The following DMD variants were observed in gnomAD, a reference collection of about 807,000 sequenced individuals.
The protein encoded by DMD is mutant dystrophin.
DMD carries 63 observed loss-of-function variants against 330.1 expected under a neutral mutation model. The observed-to-expected ratio is 0.19, with a 90% CI of 0.16 to 0.24. The LOEUF is 0.24. DMD is among the 10% of genes least tolerant of loss of function. The pLI is 1.00. For missense variants in DMD, 3,344 were observed against 2,684.1 expected, an observed-to-expected ratio of 1.25 and a Z score of -5.43; for synonymous variants, 1,223 against 959.8, an observed-to-expected ratio of 1.27 and a Z score of -5.07.
chrX:31,706,051 G>C (rs1034146426), intron 52 of DMD, among the ~76,000 whole-genome samples: 2 of 110,528 alleles, frequency 1.8e-5, no homozygotes, highest in African/African-American at 6.6e-5. Context: ...CTCTTGGGTG[G>C]TCACTGATAC....
rs1164043838 is a variant in DMD, at chrX:32,823,106, C to T, written c.357+189G>A. ...TTTGAAAAATATTCCTGTAAATGTA[C>T]CAGAACCTATTTTATACCGTGATGA... On this transcript the variant is annotated intron_variant, in intron 5 of 78. Transcript: ENST00000357033. 3.6e-5 allele frequency among the ~76,000 whole-genome samples: 4 copies of T among 111,520 alleles called. No individual in the cohort carries two copies. The Admixed American group carries it at 3.8e-4, about 11-fold the overall frequency.
chrX:32,699,079 T>A, intron 8 of DMD, 33 bp downstream of exon 8: 2 of 1,168,990 alleles, frequency 1.7e-6, no homozygotes, highest in East Asian at 3.0e-5. Context: ...ACAGAAAACA[T>A]CTTGAATAGT....
chrX:32,411,012 TTG>T (rs1373187260), intron 30 of DMD, among the ~76,000 whole-genome samples: 3 of 112,267 alleles, frequency 2.7e-5, no homozygotes, highest in South Asian at 3.7e-4. Context: ...ATCGATAATT[TTG>T]TGTTACTCAC....
intron 44 of DMD, among the ~76,000 whole-genome samples, chrX:31,977,218 G>C (rs1300551068): frequency 8.9e-6 from 1 of 112,041 alleles, no homozygotes; most frequent in African/African-American, 3.2e-5. Context: ...TTGATAAATT[G>C]AGCAGAAAAC....
At chrX:32,127,870 C>A (rs182645627) in intron 44 of DMD, among the ~76,000 whole-genome samples, 6 of 112,045 alleles carry the variant, frequency 5.4e-5, no homozygotes, top group Admixed American at 4.7e-4. Flanking sequence ...TTTATTTGAA[C>A]CTTCAATTAT....
chrX:32,459,573 C>A (rs2098375697), intron 25 of DMD, among the ~76,000 whole-genome samples: 1 of 111,331 alleles, frequency 9.0e-6, no homozygotes, highest in South Asian at 3.7e-4. Context: ...ATAAATATGG[C>A]TAAGATGGAA....
At chrX:32,559,770 T>C (rs2050778883) in intron 16 of DMD, among the ~76,000 whole-genome samples, 1 of 112,326 alleles carries the variant, frequency 8.9e-6, no homozygotes, top group African/African-American at 3.2e-5. Flanking sequence ...CATTTACAGC[T>C]ATGTTTTATA....
At chrX:32,349,844 A>G (rs747192783) in intron 37 of DMD, among the ~76,000 whole-genome samples, 2 of 111,767 alleles carry the variant, frequency 1.8e-5, no homozygotes, top group African/African-American at 3.2e-5. Context: ...TTGAAATATC[A>G]TAAGTTATTT....
Position 31,720,373 on chromosome X carries a change from T to C in DMD, c.7660+9258A>G, listed in dbSNP as rs190631460. On this transcript the variant is annotated intron_variant, in intron 52 of 78. Coordinates refer to ENST00000357033, the MANE Select transcript of DMD (RefSeq NM_004006.3). Reference sequence around the variant, plus strand: ...GTGTTTAACCCTTGGCTTAGTTTTATCTAAAATGCATGATGCCATCAGGGA... The same window carrying C: ...GTGTTTAACCCTTGGCTTAGTTTTACCTAAAATGCATGATGCCATCAGGGA... Among the ~76,000 whole-genome samples, 215 of 112,073 alleles carry C rather than the reference T, an allele frequency of 1.9e-3. 1 individual carries two copies. The highest frequency in any genetic ancestry group is 6.7e-3 in the African/African-American group (206 of 30,915).
At chrX:32,961,786 T>C (rs1367213047) in intron 2 of DMD, among the ~76,000 whole-genome samples, 2 of 111,823 alleles carry the variant, frequency 1.8e-5, no homozygotes, top group East Asian at 5.6e-4. Context: ...TAAGATTTTC[T>C]CAGCTGTTAA....
At chrX:31,992,618 A>G (rs963685458) in intron 44 of DMD, among the ~76,000 whole-genome samples, 25 of 111,028 alleles carry the variant, frequency 2.3e-4, no homozygotes, top group African/African-American at 6.5e-4. Flanking sequence ...CTCCTCCTCC[A>G]CCCACAACAA....
intron 55 of DMD, among the ~76,000 whole-genome samples, chrX:31,515,604 T>C (rs2072110331): frequency 9.0e-6 from 1 of 111,610 alleles, no homozygotes; most frequent in African/African-American, 3.3e-5. Flanking sequence ...TTCAAAATAG[T>C]AAAGAAATTA....
intron 53 of DMD, among the ~76,000 whole-genome samples, chrX:31,660,628 T>C (rs775836943): frequency 3.8e-4 from 42 of 111,762 alleles, no homozygotes; most frequent in Non-Finnish European, 4.1e-4. Flanking sequence ...AACACTGAAT[T>C]GTTAATAAAA....
intron 52 of DMD, among the ~76,000 whole-genome samples, chrX:31,718,241 G>C (rs2085206621): frequency 9.0e-6 from 1 of 111,539 alleles, no homozygotes; most frequent in African/African-American, 3.3e-5. Flanking sequence ...AAGCAACACT[G>C]TCAGGAAAGA....
chrX:31,594,985 TTTAA>T (rs754303686), intron 55 of DMD, among the ~76,000 whole-genome samples: 1 of 111,803 alleles, frequency 8.9e-6, no homozygotes, highest in African/African-American at 3.2e-5. Flanking sequence ...ATAAATATTG[TTTAA>T]TTATTTGTAC....
Position 32,324,516 on chromosome X carries a change from G to GTA in DMD, c.5923-14242_5923-14241dup, listed in dbSNP as rs752546922. 1.6e-3 allele frequency among the ~76,000 whole-genome samples: 183 copies of GTA among 111,741 alleles called. No individual in the cohort carries two copies. In the Middle Eastern group the frequency reaches 0.019, roughly 11 times the overall value. On this transcript the variant is annotated intron_variant, in intron 41 of 78. Coordinates refer to ENST00000357033, the MANE Select transcript of DMD (RefSeq NM_004006.3). ...AGTCAAAATAATAGCATCAAATGAA[G>GTA]TATAGTTCAAGACCGAAAAGCACTA...
At chrX:31,748,528 T>C (rs2047373) in intron 51 of DMD, among the ~76,000 whole-genome samples, 23,824 of 111,227 alleles carry the variant, frequency 0.21, 1,933 homozygotes, top group East Asian at 0.47. Flanking sequence ...TCAAATGTTC[T>C]GCTACACTTT....
At chrX:32,557,594 C>A (rs1041221899) in intron 16 of DMD, among the ~76,000 whole-genome samples, 1 of 111,866 alleles carries the variant, frequency 8.9e-6, no homozygotes, top group Non-Finnish European at 1.9e-5. Flanking sequence ...TTAAAACATA[C>A]TGCATAATCA....
intron 44 of DMD, among the ~76,000 whole-genome samples, chrX:32,034,130 T>C (rs1320931557): frequency 1.8e-5 from 2 of 111,875 alleles, no homozygotes; most frequent in Non-Finnish European, 3.8e-5. Context: ...AGCCATGACT[T>C]GAACACATTC....
Sources: gnomAD v4.1 joint callset for allele counts (sites outside exome capture counted in the v4.1 genomes callset) on GRCh38, gnomAD v4.1.1 for gene constraint, MANE v1.5 for transcripts, NCBI Gene and HGNC (gene_info 2026-07-23, HGNC 2026-07-21) for gene names.